The following LIPI variants were observed in gnomAD, a reference collection of about 807,000 sequenced individuals.
LIPI encodes the protein lipase member I.
LIPI carries 59 observed loss-of-function variants against 50.6 expected under a neutral mutation model. The observed-to-expected ratio is 1.16, with a 90% confidence interval of 0.94 to 1.45. The LOEUF (loss-of-function observed/expected upper bound fraction) is 1.45, where lower values mean the gene tolerates loss of function less well. Among genes scored for constraint, LIPI ranks in the 40% most tolerant of loss-of-function variants. The pLI is 0.00. For synonymous variants in LIPI, 203 were observed against 178.2 expected, an observed-to-expected ratio of 1.14 and a Z score of -1.11; for missense variants, 586 against 536.3, an observed-to-expected ratio of 1.09 and a Z score of -0.92.
chr21:14,157,057 G>A (rs554021238), intron 7 of LIPI, among the ~76,000 whole-genome samples: 1 of 152,004 alleles, frequency 6.6e-6, no homozygotes, highest in African/African-American at 2.4e-5. Flanking sequence ...AATTGTAAAT[G>A]AAGAAATTGG....
At chr21:14,157,071 T>A (rs963297611) in intron 7 of LIPI, among the ~76,000 whole-genome samples, 1 of 151,852 alleles carries the variant, frequency 6.6e-6, no homozygotes, top group Non-Finnish European at 1.5e-5. Flanking sequence ...AAATTGGAAA[T>A]TTAACCAAGG....
At chr21:14,123,265 C>T (rs1166897321) in intron 9 of LIPI, among the ~76,000 whole-genome samples, 1 of 152,170 alleles carries the variant, frequency 6.6e-6, no homozygotes, top group Non-Finnish European at 1.5e-5. Flanking sequence ...AGTCTAAGAA[C>T]AAGACACAGT....
intron 4 of LIPI, among the ~76,000 whole-genome samples, chr21:14,168,451 G>A (rs1463454172): frequency 2.0e-5 from 3 of 152,132 alleles, no homozygotes; most frequent in Non-Finnish European, 2.9e-5. Flanking sequence ...AAAATGTTAA[G>A]GGCAGCCAGA....
intron 9 of LIPI, among the ~76,000 whole-genome samples, chr21:14,114,209 G>A (rs893430394): frequency 1.3e-5 from 2 of 151,680 alleles, no homozygotes; most frequent in Non-Finnish European, 2.9e-5. Flanking sequence ...GATCTCATGG[G>A]AACTAACTAT....
chr21:14,189,367 G>A lies in LIPI; in HGVS notation c.99C>T (p.Phe33=). ...CTATTCTCGGAATAAATAAATCTCT[G>A]AAGGAATCCTTTACACTTAGCTGAG... The part of the protein sequence containing the change: ...EFSQLSVKDS[F]RDLFIPRIET... The change falls in exon 2 of 10, where the codon TTC becomes TTT. Residue 33 remains phenylalanine, a synonymous_variant. Coordinates refer to ENST00000681601, the MANE Select transcript of LIPI (RefSeq NM_001302998.2). 5 of 1,612,082 alleles carry A rather than the reference G, an allele frequency of 3.1e-6. No homozygotes were observed. Among genetic ancestry groups the A allele is most frequent in the Non-Finnish European group, 4.2e-6 (5 of 1,178,304 alleles).
At chr21:14,199,644 T>C (rs1003814866) in intron 1 of LIPI, among the ~76,000 whole-genome samples, 2 of 149,946 alleles carry the variant, frequency 1.3e-5, no homozygotes, top group Admixed American at 1.3e-4. Flanking sequence ...GGACCACATG[T>C]ATTCACAGCT....
chr21:14,130,641 A>G (rs988862640), intron 9 of LIPI, among the ~76,000 whole-genome samples: 2 of 152,186 alleles, frequency 1.3e-5, no homozygotes, highest in African/African-American at 4.8e-5. Context: ...GAGTTTAGTG[A>G]TATGCTGTGC....
chr21:14,144,524 C>A, intron 9 of LIPI, 99 bp downstream of exon 9: 1 of 646,234 alleles, frequency 1.5e-6, no homozygotes, highest in South Asian at 2.0e-5. Flanking sequence ...ACACAATAAA[C>A]AGATATTTGA....
At chr21:14,155,442 G>GA (rs1161530240) in intron 7 of LIPI, among the ~76,000 whole-genome samples, 1 of 151,682 alleles carries the variant, frequency 6.6e-6, no homozygotes, top group Non-Finnish European at 1.5e-5. Flanking sequence ...TAAATTTGGT[G>GA]AAAAAAATAA....
At chr21:14,109,936 G>A (rs2123286363) in intron 9 of LIPI, among the ~76,000 whole-genome samples, 1 of 151,238 alleles carries the variant, frequency 6.6e-6, no homozygotes, top group African/African-American at 2.4e-5. Context: ...CCTTCTCCCA[G>A]GCAATAAAAA....
At chr21:14,127,512 T>G (rs1334311018) in intron 9 of LIPI, among the ~76,000 whole-genome samples, 1 of 152,202 alleles carries the variant, frequency 6.6e-6, no homozygotes, top group African/African-American at 2.4e-5. Context: ...ATGTTTAAAT[T>G]TTACATAAAA....
chr21:14,205,603 T>C (rs1393821530), intron 1 of LIPI, among the ~76,000 whole-genome samples: 2 of 151,864 alleles, frequency 1.3e-5, no homozygotes, highest in African/African-American at 4.8e-5. Context: ...CAAATGTAGT[T>C]TGCAGTGATG....
chr21:14,126,996 A>G (rs189380674), intron 9 of LIPI, among the ~76,000 whole-genome samples: 20 of 152,354 alleles, frequency 1.3e-4, no homozygotes, highest in African/African-American at 4.6e-4. Context: ...TTACTGTTAC[A>G]TAAAATTTTT....
rs190927185 is a variant in LIPI, at chr21:14,129,522, C to T, written c.1295+15101G>A. 3.4e-3 allele frequency among the ~76,000 whole-genome samples: 516 copies of T among 151,858 alleles called. 5 individuals carry two copies. The highest frequency in any genetic ancestry group is 3.6e-3 in the Non-Finnish European group (241 of 67,878). ...AGATGTGTACCCAATTATACAATTA[C>T]CACCTAGAATTATGTCATAACAACT... On this transcript the variant is annotated intron_variant, in intron 9 of 9. Coordinates refer to ENST00000681601, the MANE Select transcript of LIPI (RefSeq NM_001302998.2).
At chr21:14,169,029 A>C (rs1329059837) in intron 4 of LIPI, among the ~76,000 whole-genome samples, 2 of 152,054 alleles carry the variant, frequency 1.3e-5, no homozygotes, top group African/African-American at 4.8e-5. Context: ...TCTACCAAGC[A>C]AATGGAAAAC....
At chr21:14,204,400 T>C (rs1284536809) in intron 1 of LIPI, among the ~76,000 whole-genome samples, 1 of 151,882 alleles carries the variant, frequency 6.6e-6, no homozygotes. Context: ...TTTTTAAAAA[T>C]ACAGTACTGA....
At chr21:14,166,564 T>G (rs1451281848) in intron 4 of LIPI, 113 bp from the exon 5 acceptor site, 2 of 690,452 alleles carry the variant, frequency 2.9e-6, no homozygotes, top group Non-Finnish European at 5.2e-6. Flanking sequence ...ATATTAGAAT[T>G]GAAAATAAGT....
intron 9 of LIPI, among the ~76,000 whole-genome samples, chr21:14,139,968 C>T (rs1234751425): frequency 2.6e-5 from 4 of 152,088 alleles, no homozygotes; most frequent in South Asian, 2.1e-4. Flanking sequence ...AGTGGAGATA[C>T]TAGTTAGGTC....
chr21:14,130,390 G>T (rs2017247563), intron 9 of LIPI, among the ~76,000 whole-genome samples: 1 of 152,164 alleles, frequency 6.6e-6, no homozygotes, highest in East Asian at 1.9e-4. Flanking sequence ...TAGCATCTGT[G>T]CCCTGCCCTT....
Sources: allele counts gnomAD v4.1 joint callset (sites outside exome capture counted in the v4.1 genomes callset), GRCh38; gene constraint gnomAD v4.1.1; transcripts MANE v1.5; gene names NCBI Gene and HGNC (gene_info 2026-07-23, HGNC 2026-07-21).